The following CACNA1D variants were observed in gnomAD, a reference collection of about 807,000 sequenced individuals.
CACNA1D encodes the protein voltage-dependent L-type calcium channel subunit alpha-1D.
In CACNA1D, 55 loss-of-function variants were observed where a neutral mutation model predicts 257.1. That is an observed-to-expected ratio of 0.21 (90% CI 0.17 to 0.27). CACNA1D has a LOEUF of 0.27. Ranked by LOEUF, CACNA1D falls within the 10% of genes least tolerant of loss-of-function variation. CACNA1D has a pLI of 1.00. For missense variants in CACNA1D, 1,876 were observed against 2,784.0 expected (o/e 0.67, Z 7.34); for synonymous variants, 980 against 1,014.9 (o/e 0.97, Z 0.65).
chr3:53,778,440 T>A (rs925551696), intron 37 of CACNA1D, among the ~76,000 whole-genome samples: 1 of 152,130 alleles, frequency 6.6e-6, no homozygotes, highest in Non-Finnish European at 1.5e-5. Flanking sequence ...CCGGGGTTGG[T>A]AGGAGGACTA....
chr3:53,560,844 A>G (rs1380731387), intron 3 of CACNA1D, among the ~76,000 whole-genome samples: 1 of 152,190 alleles, frequency 6.6e-6, no homozygotes, highest in Non-Finnish European at 1.5e-5. Context: ...TATGTCATGG[A>G]TGGCTCTATG....
At chr3:53,783,759 A>G (rs975922020) in intron 39 of CACNA1D, among the ~76,000 whole-genome samples, 5 of 152,178 alleles carry the variant, frequency 3.3e-5, no homozygotes, top group African/African-American at 9.7e-5. Context: ...TTCCTCTTTT[A>G]TCCTTCAGTA....
chr3:53,767,759 G>A (rs186229747), intron 30 of CACNA1D, among the ~76,000 whole-genome samples: 9 of 152,232 alleles, frequency 5.9e-5, no homozygotes, highest in Non-Finnish European at 1.3e-4. Context: ...TTTGGGAAAA[G>A]CCATCCTCAG....
At chr3:53,567,903 G>A (rs543327736) in intron 3 of CACNA1D, among the ~76,000 whole-genome samples, 2 of 152,248 alleles carry the variant, frequency 1.3e-5, no homozygotes, top group Non-Finnish European at 2.9e-5. Context: ...AATTCCTAGA[G>A]ACTGAGGAGT....
At chr3:53,798,109 T>G (rs1395582288) in intron 40 of CACNA1D, 2 of 152,214 alleles carry the variant, frequency 1.3e-5, no homozygotes. Context: ...ATGCGGCTGT[T>G]TAGTACTGCC....
chr3:53,791,078 C>T, intron 40 of CACNA1D: 1 of 700,438 alleles, frequency 1.4e-6, no homozygotes. Flanking sequence ...AGGGAAAAGT[C>T]TCAAGTGGGC....
In CACNA1D at chr3:53,805,019, A is replaced by G; in HGVS notation, c.5622A>G (p.Arg1874=). Residue 1874 remains arginine, a synonymous_variant, in exon 45 of 48, where the codon AGA becomes AGG. Coordinates refer to ENST00000350061, the MANE Select transcript of CACNA1D (RefSeq NM_001128840.3). ...GCTACTACAGCAGATACCCAGGCAG[A>G]AACATCGACTCTGAGAGGCCCCGAG... ...NYGYYSRYPG[R]NIDSERPRGY... 6.2e-7 allele frequency: 1 copy of G among 1,614,182 alleles called. No homozygotes were observed. Among genetic ancestry groups the G allele is most frequent in the Non-Finnish European group, 8.5e-7 (1 of 1,180,018 alleles).
At chr3:53,808,879 A>C in intron 46 of CACNA1D, 109 bp downstream of exon 46, 1 of 1,112,784 alleles carries the variant, frequency 9.0e-7, no homozygotes. Context: ...GAAGGAGAGA[A>C]TCTTCACCTA....
chr3:53,760,565 C>G (rs941182843), intron 29 of CACNA1D, among the ~76,000 whole-genome samples: 1 of 152,198 alleles, frequency 6.6e-6, no homozygotes, highest in Admixed American at 6.5e-5. Context: ...AGTCCGTTGC[C>G]TCTTTGGCTG....
At chr3:53,539,461 T>C (rs2092235984) in intron 3 of CACNA1D, among the ~76,000 whole-genome samples, 1 of 152,196 alleles carries the variant, frequency 6.6e-6, no homozygotes, top group South Asian at 2.1e-4. Context: ...TTCATTTGTT[T>C]TCATTTTCTT....
Position 53,494,689 on chromosome 3 carries a change from G to A in CACNA1D, c.-478G>A. The A allele has an allele frequency of 6.9e-6, 1 of 145,790 alleles. No individual in the cohort carries two copies. Among genetic ancestry groups the A allele is most frequent in the South Asian group, 1.8e-4 (1 of 5,470 alleles). 9.0% of individuals were successfully genotyped at this position (145,790 alleles called of 1,614,324 possible). The stretch of plus-strand genomic sequence containing the variant: ...GCCTCCGTCCCCGGATGTGAGCTCC[G>A]GCTGCCCGCGGTCCCGAGCCAGCGG... On this transcript the variant is annotated 5_prime_UTR_variant, in exon 1 of 48. Coordinates refer to ENST00000350061, the MANE Select transcript of CACNA1D (RefSeq NM_001128840.3).
chr3:53,611,795 A>G (rs545012182), intron 3 of CACNA1D, among the ~76,000 whole-genome samples: 15 of 152,324 alleles, frequency 9.8e-5, no homozygotes, highest in Admixed American at 8.5e-4. Context: ...ATTTTTTTCT[A>G]TAAAAGATCA....
At chr3:53,617,846 A>G (rs181324340) in intron 3 of CACNA1D, among the ~76,000 whole-genome samples, 1 of 152,314 alleles carries the variant, frequency 6.6e-6, no homozygotes, top group Non-Finnish European at 1.5e-5. Context: ...GAATGGAGGC[A>G]TGTGTGCAGT....
chr3:53,771,688 A>T (rs1269011919), intron 32 of CACNA1D, among the ~76,000 whole-genome samples: 1 of 152,254 alleles, frequency 6.6e-6, no homozygotes, highest in Non-Finnish European at 1.5e-5. Context: ...ATTCAGAGGT[A>T]ATGTTATCTC....
intron 8 of CACNA1D, among the ~76,000 whole-genome samples, chr3:53,696,529 A>G (rs2094574668): frequency 6.6e-6 from 1 of 152,182 alleles, no homozygotes; most frequent in South Asian, 2.1e-4. Flanking sequence ...GGGGCCACCC[A>G]GGGTAGGGGA....
intron 4 of CACNA1D, among the ~76,000 whole-genome samples, chr3:53,659,246 A>G (rs576644735): frequency 8.6e-4 from 131 of 152,330 alleles, no homozygotes; most frequent in African/African-American, 3.1e-3. Context: ...GAGACTAGGA[A>G]AAAATTTATT....
At chr3:53,514,466 T>C (rs1229602140) in intron 3 of CACNA1D, among the ~76,000 whole-genome samples, 1 of 152,128 alleles carries the variant, frequency 6.6e-6, no homozygotes, top group Non-Finnish European at 1.5e-5. Flanking sequence ...GGGACTGGCA[T>C]AGAAACTTTC....
At chr3:53,765,487 C>T (rs942486710) in intron 30 of CACNA1D, 6 of 152,582 alleles carry the variant, frequency 3.9e-5, no homozygotes, top group African/African-American at 9.7e-5. Context: ...AGCATATATA[C>T]GGTGAAGTCC....
rs2095385285 is a variant in CACNA1D at position 53,774,476 on chromosome 3, G to A, written c.4111-111G>A. On this transcript the variant is annotated intron_variant, in intron 33 of 47. Coordinates refer to ENST00000350061, the MANE Select transcript of CACNA1D (RefSeq NM_001128840.3). The surrounding 1 kb of genome is among the most constrained non-coding windows in gnomAD (Gnocchi z 4.3). ...GAATGAGTGAAGTGCCAGGTACCAT[G>A]AGAAAACCCTAGCTGGTAAAGATCA... is the stretch of plus-strand genomic sequence containing the variant. The A allele has an allele frequency of 1.4e-6, 1 of 740,116 alleles. No homozygotes were observed. The highest frequency in any genetic ancestry group is 1.7e-5 in the African/African-American group (1 of 58,938). The allele number at this position is 740,116 out of a possible 1,614,324, so 45.8% of individuals were successfully genotyped here. A position where few individuals can be genotyped will look rare whatever the true frequency, so the allele number is the denominator to read the frequency against.
Sources: allele counts gnomAD v4.1 joint callset (sites outside exome capture counted in the v4.1 genomes callset), GRCh38; gene constraint gnomAD v4.1.1; non-coding constraint Gnocchi (gnomAD v3.1); transcripts MANE v1.5; gene names NCBI Gene and HGNC (gene_info 2026-07-23, HGNC 2026-07-21).